Variants in TULP4 observed in about 807,000 individuals in gnomAD.
TULP4 encodes the protein tubby-related protein 4.
TULP4 carries 16 observed loss-of-function variants against 129.0 expected under a neutral mutation model. That is an observed-to-expected ratio of 0.12 (90% confidence interval 0.08 to 0.19). The LOEUF is 0.19. Ranked by LOEUF, TULP4 falls within the 10% of genes least tolerant of loss-of-function variation. The pLI is 1.00. For synonymous variants in TULP4, 998 were observed against 854.0 expected (o/e 1.17, Z -2.94); for missense variants, 1,842 against 2,059.1 (o/e 0.89, Z 2.04).
At chr6:158,420,312 G>C (rs1304127781) in intron 2 of TULP4, among the ~76,000 whole-genome samples, 1 of 152,096 alleles carries the variant, frequency 6.6e-6, no homozygotes, top group African/African-American at 2.4e-5. Flanking sequence ...AAAAATAGGT[G>C]ACAGGTCAGA....
Position 158,506,730 on chromosome 6 carries a change from C to A in TULP4, c.*36C>A. On this transcript the variant is annotated 3_prime_UTR_variant, in exon 14 of 14. Transcript: ENST00000367097. ...GTGGGGAGGAGAGAGATGCAGAGAG[C>A]CTTTGGAAGAGGTCTTCGGAGATGC... 6.9e-7 allele frequency: 1 copy of A among 1,440,488 alleles called. No homozygotes were observed. The highest frequency in any genetic ancestry group is 9.8e-7 in the Non-Finnish European group (1 of 1,023,598). 89.2% of individuals were successfully genotyped at this position (1,440,488 alleles called of 1,614,324 possible).
At chr6:158,236,795 C>CTTTCTTTTTTTTTTTTTTTTTTT (rs1777712324) in intron 1 of TULP4, among the ~76,000 whole-genome samples, 1 of 63,292 alleles carries the variant, frequency 1.6e-5, no homozygotes, top group Non-Finnish European at 3.1e-5. Flanking sequence ...CAATTCTTTT[C>CTTTCTTTTTTTTTTTTTTTTTTT]TTTTTTTTTT....
intron 1 of TULP4, among the ~76,000 whole-genome samples, chr6:158,388,138 T>A (rs118043788): frequency 0.014 from 2,170 of 152,174 alleles, 23 homozygotes; most frequent in Non-Finnish European, 0.024. Flanking sequence ...GCCAGAGTAA[T>A]CTCATCTTTT....
At chr6:158,466,010 C>T (rs149644911) in intron 6 of TULP4, among the ~76,000 whole-genome samples, 227 of 152,282 alleles carry the variant, frequency 1.5e-3, no homozygotes, top group African/African-American at 5.1e-3. Flanking sequence ...GATTGATGGC[C>T]TGTAGGCATG....
chr6:158,473,129 A>AAAAG (rs1779728171), intron 6 of TULP4, among the ~76,000 whole-genome samples: 1 of 152,220 alleles, frequency 6.6e-6, no homozygotes, highest in African/African-American at 2.4e-5. Context: ...AGAAGGTGGA[A>AAAAG]AAAGATGGGT....
intron 3 of TULP4, among the ~76,000 whole-genome samples, chr6:158,445,100 C>T (rs1313311799): frequency 6.6e-6 from 1 of 152,110 alleles, no homozygotes; most frequent in East Asian, 1.9e-4. Flanking sequence ...AGGTGTGAGC[C>T]GTGGTGCCTG....
rs938366761 is a variant in TULP4 at position 158,242,356 on chromosome 6, C to G, written n.68+10053C>G. 93 of 1,514,698 alleles carry G rather than the reference C, an allele frequency of 6.1e-5. No homozygotes were observed. The South Asian group carries it at 1.0e-3, about 17-fold the overall frequency. The allele number at this position is 1,514,698 out of a possible 1,614,324, so 93.8% of individuals were successfully genotyped here. A position where few individuals can be genotyped will look rare whatever the true frequency, so the allele number is the denominator to read the frequency against. On this transcript the variant is annotated intron_variant and non_coding_transcript_variant, in intron 1 of 1. Transcript: ENST00000620026. Reference sequence around the variant, plus strand: ...GCCACTTTTTCCCAATTGCTTTGAGCTGCAACAACTGCTGAAGGGTTTGTT... The same window carrying G: ...GCCACTTTTTCCCAATTGCTTTGAGGTGCAACAACTGCTGAAGGGTTTGTT...
chr6:158,275,846 A>G (rs1200781345), intron 1 of TULP4, among the ~76,000 whole-genome samples: 1 of 152,252 alleles, frequency 6.6e-6, no homozygotes, highest in Admixed American at 6.5e-5. Flanking sequence ...TGACTTTCAA[A>G]GAAGTGTCAT....
chr6:158,239,949 C>G (rs1777832308), intron 1 of TULP4, among the ~76,000 whole-genome samples: 1 of 82,394 alleles, frequency 1.2e-5, no homozygotes, highest in Non-Finnish European at 2.8e-5. Flanking sequence ...GGGGCTGACC[C>G]CCCCCACCTC....
At chr6:158,311,406 T>C (rs1779350240), upstream of TULP4, among the ~76,000 whole-genome samples, 1 of 152,156 alleles carries the variant, frequency 6.6e-6, no homozygotes, top group Non-Finnish European at 1.5e-5. Context: ...CAGAGTGTTC[T>C]CGTGTTTGTA....
At chr6:158,392,388 C>T (rs1476829095) in intron 1 of TULP4, among the ~76,000 whole-genome samples, 3 of 152,172 alleles carry the variant, frequency 2.0e-5, no homozygotes, top group African/African-American at 2.4e-5. Context: ...CATGAAGTAA[C>T]AGAATATTTG....
intron 1 of TULP4, among the ~76,000 whole-genome samples, chr6:158,399,775 C>T (rs572672433): frequency 1.2e-4 from 18 of 152,292 alleles, no homozygotes; most frequent in African/African-American, 4.1e-4. Flanking sequence ...TTAGTAGTTC[C>T]GCAGCCAGAA....
At chr6:158,277,560 C>T (rs1778669717), upstream of TULP4, among the ~76,000 whole-genome samples, 1 of 152,172 alleles carries the variant, frequency 6.6e-6, no homozygotes, top group Non-Finnish European at 1.5e-5. Flanking sequence ...CCACCAGGAG[C>T]AAGGATTAGC....
upstream of TULP4, among the ~76,000 whole-genome samples, chr6:158,278,802 G>A (rs1176308922): frequency 3.9e-5 from 6 of 152,174 alleles, no homozygotes. Flanking sequence ...TTAGGGCACT[G>A]TTGTAGAACC....
At chr6:158,473,843 A>G (rs1779749407) in intron 6 of TULP4, among the ~76,000 whole-genome samples, 1 of 151,856 alleles carries the variant, frequency 6.6e-6, no homozygotes, top group South Asian at 2.1e-4. Flanking sequence ...TGTTATAAAC[A>G]GAGTCTCACT....
intron 9 of TULP4, among the ~76,000 whole-genome samples, chr6:158,492,797 T>TA (rs1780246866): frequency 6.6e-6 from 1 of 152,226 alleles, no homozygotes; most frequent in African/African-American, 2.4e-5. Context: ...TTTTAAACCT[T>TA]ACCATACTCA....
At chr6:158,250,459 A>G (rs1778119887) in intron 1 of TULP4, among the ~76,000 whole-genome samples, 1 of 152,192 alleles carries the variant, frequency 6.6e-6, no homozygotes, top group African/African-American at 2.4e-5. Context: ...CCTGGCGCCA[A>G]AATGCTTTTC....
intron 11 of TULP4, 148 bp downstream of exon 11, chr6:158,494,994 C>A: frequency 1.6e-6 from 1 of 606,214 alleles, no homozygotes; most frequent in Non-Finnish European, 2.8e-6. Context: ...AACTTCACCA[C>A]AGTGATTTCA....
At chr6:158,489,441 C>G in intron 8 of TULP4, 147 bp from the exon 9 acceptor site, 1 of 929,106 alleles carries the variant, frequency 1.1e-6, no homozygotes. Flanking sequence ...AAGAGAAAAA[C>G]AATGCCAAGC....
Sources: allele counts gnomAD v4.1 joint callset (sites outside exome capture counted in the v4.1 genomes callset), GRCh38; gene constraint gnomAD v4.1.1; transcripts MANE v1.5; gene names NCBI Gene and HGNC (gene_info 2026-07-23, HGNC 2026-07-21).